The following GNG7 variants were observed in gnomAD, a reference collection of about 807,000 sequenced individuals.
The protein encoded by GNG7 is G protein subunit gamma 7, also known as guanine nucleotide-binding protein G(I)/G(S)/G(O) subunit gamma-7.
GNG7 carries 1 observed loss-of-function variant against 4.0 expected under a neutral mutation model. The ratio of observed to expected loss-of-function variants is 0.25; its 90% CI spans 0.09 to 1.18. The LOEUF is 1.18. Ranked by LOEUF, GNG7 falls within the 50% of genes most tolerant of loss-of-function variation. The pLI is 0.50. For synonymous variants in GNG7, 34 were observed against 36.9 expected, an observed-to-expected ratio of 0.92 and a Z score of 0.29; for missense variants, 86 against 91.9, an observed-to-expected ratio of 0.94 and a Z score of 0.26.
At chr19:2,624,993 G>A (rs1317817578) in intron 2 of GNG7, among the ~76,000 whole-genome samples, 1 of 152,210 alleles carries the variant, frequency 6.6e-6, no homozygotes, top group African/African-American at 2.4e-5. Context: ...CCAGGCAGGG[G>A]TGGACGCCTG....
chr19:2,555,545 G>A (rs1340665119), intron 2 of GNG7, among the ~76,000 whole-genome samples: 1 of 152,138 alleles, frequency 6.6e-6, no homozygotes. Context: ...CAGGCACGGC[G>A]CCTTCCCATG....
chr19:2,640,123 AGGAG>A (rs1177354402), intron 2 of GNG7, among the ~76,000 whole-genome samples: 1 of 39,758 alleles, frequency 2.5e-5, no homozygotes, highest in Non-Finnish European at 4.7e-5. Flanking sequence ...GAGGGAGGGG[AGGAG>A]GGAGGGAGGA....
chr19:2,662,578 G>A (rs933302138), intron 1 of GNG7, among the ~76,000 whole-genome samples: 15 of 152,108 alleles, frequency 9.9e-5, no homozygotes, highest in African/African-American at 3.1e-4. Flanking sequence ...TTAATATAAA[G>A]CATATTACAA....
At chr19:2,559,356 T>C in intron 2 of GNG7, among the ~76,000 whole-genome samples, 1 of 150,628 alleles carries the variant, frequency 6.6e-6, no homozygotes. Flanking sequence ...TGTGTCTTTT[T>C]TTTTTTTTTT....
intron 1 of GNG7, among the ~76,000 whole-genome samples, chr19:2,677,522 T>A (rs570918876): frequency 9.9e-5 from 15 of 151,948 alleles, no homozygotes; most frequent in Non-Finnish European, 1.9e-4. Flanking sequence ...TTGTATCTGC[T>A]CCCTGTTGAC....
At chr19:2,549,676 T>G (rs1402171037) in intron 3 of GNG7, among the ~76,000 whole-genome samples, 2 of 152,042 alleles carry the variant, frequency 1.3e-5, no homozygotes, top group Non-Finnish European at 2.9e-5. Flanking sequence ...CAGAACCTTC[T>G]GGAGAGACAC....
intron 1 of GNG7, among the ~76,000 whole-genome samples, chr19:2,680,466 T>A (rs544768074): frequency 8.0e-4 from 122 of 152,070 alleles, no homozygotes; most frequent in African/African-American, 2.7e-3. Context: ...CTCTATTTTT[T>A]AAAAAATTAA....
At chr19:2,662,332 C>G (rs1983203054) in intron 1 of GNG7, among the ~76,000 whole-genome samples, 1 of 151,814 alleles carries the variant, frequency 6.6e-6, no homozygotes, top group African/African-American at 2.4e-5. Flanking sequence ...CCCCACACAC[C>G]AGCTAGCTGT....
intron 3 of GNG7, among the ~76,000 whole-genome samples, chr19:2,548,233 C>T (rs900947560): frequency 1.4e-4 from 22 of 152,142 alleles, no homozygotes; most frequent in African/African-American, 5.3e-4. Context: ...AATCCCAGCA[C>T]TTTGGGAGGC....
chr19:2,573,804 C>G (rs561522896), intron 2 of GNG7, among the ~76,000 whole-genome samples: 1 of 152,324 alleles, frequency 6.6e-6, no homozygotes, highest in South Asian at 2.1e-4. Flanking sequence ...GATCACGCCA[C>G]TGCACTCCAG....
In GNG7 at chr19:2,519,566, C is replaced by G. The variant is rs528386113; in HGVS notation, c.81+1042G>C. On this transcript the variant is annotated intron_variant, in intron 4 of 4. Coordinates refer to ENST00000382159, the MANE Select transcript of GNG7 (RefSeq NM_052847.3). The stretch of plus-strand genomic sequence containing the variant: ...TCGGCCTCCCAATGTGCTGGGATTA[C>G]AGCTGTGAGCCACTGTGCCTCACAT... Among the ~76,000 whole-genome samples the G allele has an allele frequency of 2.0e-5, 3 of 150,042 alleles. No homozygotes were observed. In the East Asian group the frequency reaches 5.9e-4, roughly 29 times the overall value.
chr19:2,585,252 C>CATACAT (rs1275924920), intron 2 of GNG7, among the ~76,000 whole-genome samples: 1 of 152,134 alleles, frequency 6.6e-6, no homozygotes, highest in African/African-American at 2.4e-5. Context: ...TGCACAATTA[C>CATACAT]ATACATATAA....
At chr19:2,606,047 C>T (rs1981375375) in intron 2 of GNG7, among the ~76,000 whole-genome samples, 1 of 152,178 alleles carries the variant, frequency 6.6e-6, no homozygotes. Context: ...TGCCTCCATG[C>T]CCCGCAGTCG....
intron 2 of GNG7, among the ~76,000 whole-genome samples, chr19:2,576,022 GAC>G (rs1191370746): frequency 1.4e-3 from 107 of 75,044 alleles, no homozygotes; most frequent in African/African-American, 0.014. Flanking sequence ...CAGACATGCA[GAC>G]ACACACACAG....
At chr19:2,657,399 T>TACACACAC (rs60342985) in intron 1 of GNG7, among the ~76,000 whole-genome samples, 4 of 80,732 alleles carry the variant, frequency 5.0e-5, no homozygotes, top group African/African-American at 2.5e-4. Context: ...TATATATATA[T>TACACACAC]ACACATAATA....
chr19:2,593,595 T>C (rs1340708603), intron 2 of GNG7, among the ~76,000 whole-genome samples: 1 of 151,806 alleles, frequency 6.6e-6, no homozygotes, highest in Admixed American at 6.6e-5. Context: ...AATACAAAAA[T>C]TAGCCGGGCA....
chr19:2,534,583 T>C (rs12462317), intron 3 of GNG7, among the ~76,000 whole-genome samples: 52,937 of 152,084 alleles, frequency 0.35, 9,579 homozygotes, highest in East Asian at 0.51. Context: ...GATTCGGAAA[T>C]CCTGGAGGGG....
At chr19:2,521,760 C>T (rs964568159) in intron 3 of GNG7, among the ~76,000 whole-genome samples, 8 of 151,726 alleles carry the variant, frequency 5.3e-5, no homozygotes, top group South Asian at 2.1e-4. Flanking sequence ...ATTACAGGCA[C>T]GTGCCACCAC....
chr19:2,656,549 A>G (rs62119819), intron 1 of GNG7, among the ~76,000 whole-genome samples: 26,441 of 152,112 alleles, frequency 0.17, 2,930 homozygotes, highest in East Asian at 0.49. Flanking sequence ...GCAGTGCGCC[A>G]AGATCACGCC....
Sources: allele counts gnomAD v4.1 joint callset (sites outside exome capture counted in the v4.1 genomes callset), GRCh38; gene constraint gnomAD v4.1.1; transcripts MANE v1.5; gene names NCBI Gene and HGNC (gene_info 2026-07-23, HGNC 2026-07-21).